SLC7A2: variants seen among roughly 807,000 people sequenced by gnomAD.
SLC7A2 encodes cationic amino acid transporter 2.
A neutral mutation model predicts 58.9 loss-of-function variants in SLC7A2; 48 were observed. That is an observed-to-expected ratio of 0.82 (90% CI 0.65 to 1.04). The LOEUF (loss-of-function observed/expected upper bound fraction) is 1.04, where lower values mean the gene tolerates loss of function less well. Ranked by LOEUF, SLC7A2 falls within the 50% of genes least tolerant of loss-of-function variation. The pLI is 0.00. For synonymous variants in SLC7A2, 363 were observed against 314.5 expected (o/e 1.15, Z -1.63); for missense variants, 1,029 against 818.8 (o/e 1.26, Z -3.13).
intron 3 of SLC7A2, 98 bp downstream of exon 3, chr8:17,543,813 T>C: frequency 9.5e-7 from 1 of 1,057,818 alleles, no homozygotes; most frequent in Non-Finnish European, 1.3e-6. Flanking sequence ...GGTACATCAC[T>C]TGATGTCTGT....
chr8:17,519,220 C>G (rs1056758441), intron 2 of SLC7A2, among the ~76,000 whole-genome samples: 5 of 152,294 alleles, frequency 3.3e-5, no homozygotes, highest in African/African-American at 9.6e-5. Context: ...AAAGCACTTA[C>G]CTCATAGGGT....
chr8:17,519,353 G>A (rs1800924961), intron 2 of SLC7A2, among the ~76,000 whole-genome samples: 1 of 152,168 alleles, frequency 6.6e-6, no homozygotes, highest in Admixed American at 6.5e-5. Context: ...AGTGATGGTA[G>A]TATATTTTAG....
chr8:17,564,577 C>G (rs1037910140), intron 12 of SLC7A2, among the ~76,000 whole-genome samples: 1 of 152,062 alleles, frequency 6.6e-6, no homozygotes, highest in African/African-American at 2.4e-5. Flanking sequence ...ACTATTCCAC[C>G]TCAGATCATC....
chr8:17,509,678 C>T (rs1019631941), intron 2 of SLC7A2, among the ~76,000 whole-genome samples: 7 of 152,064 alleles, frequency 4.6e-5, no homozygotes, highest in Admixed American at 2.0e-4. Flanking sequence ...ATTTTTTCGC[C>T]TCCAACAAAG....
At chr8:17,528,849 G>T (rs1377198259) in intron 2 of SLC7A2, among the ~76,000 whole-genome samples, 1 of 152,136 alleles carries the variant, frequency 6.6e-6, no homozygotes, top group Non-Finnish European at 1.5e-5. Context: ...TATAGGAGGA[G>T]AGCTCCATGA....
chr8:17,527,409 A>G (rs1801262939), intron 2 of SLC7A2, among the ~76,000 whole-genome samples: 1 of 152,230 alleles, frequency 6.6e-6, no homozygotes, highest in Non-Finnish European at 1.5e-5. Flanking sequence ...CAAATGAATA[A>G]ATATAGACCT....
chr8:17,557,784 C>T lies in SLC7A2; in HGVS notation c.1196-511C>T, dbSNP rs188972628. On this transcript the variant is annotated intron_variant, in intron 8 of 12. Transcript: ENST00000494857. ...TGGAGATTGCAGTAAGCCGAGATCGCACCACTGCACTCCACCCTGGGTGAC... is the reference window on the plus strand; with the variant it reads ...TGGAGATTGCAGTAAGCCGAGATCGTACCACTGCACTCCACCCTGGGTGAC... Among the ~76,000 whole-genome samples the T allele has an allele frequency of 5.5e-4, 84 of 152,224 alleles. No homozygotes were observed. The East Asian group carries it at 0.015, about 26-fold the overall frequency.
intron 1 of SLC7A2, chr8:17,500,402 A>T (rs1217569384): frequency 1.3e-5 from 2 of 152,104 alleles, no homozygotes; most frequent in African/African-American, 4.8e-5. Flanking sequence ...GTTTGTGGTT[A>T]TGGAAATGTT....
chr8:17,523,832 A>G (rs1415187419), intron 2 of SLC7A2, among the ~76,000 whole-genome samples: 2 of 152,234 alleles, frequency 1.3e-5, no homozygotes, highest in Non-Finnish European at 2.9e-5. Context: ...GACAACCCAC[A>G]GAATGGGAGA....
At chr8:17,560,862 C>G (rs1802944644) in intron 10 of SLC7A2, among the ~76,000 whole-genome samples, 1 of 152,160 alleles carries the variant, frequency 6.6e-6, no homozygotes, top group Non-Finnish European at 1.5e-5. Context: ...CTGACTGGAA[C>G]CCGATGGAAT....
chr8:17,563,705 G>A lies in SLC7A2; in HGVS notation c.1774G>A (p.Ala592Thr), dbSNP rs1173399304. 2 of 1,570,558 alleles carry A rather than the reference G, an allele frequency of 1.3e-6. No homozygotes were observed. The highest frequency in any genetic ancestry group is 1.1e-5 in the South Asian group (1 of 89,954). The part of the protein sequence containing the change: ...DTWVRFSIWM[A>T]IGFLIYFSYG... Reference sequence around the variant, plus strand: ...TTGGGTCAGATTCAGCATTTGGATGGCAATTGGTAGGTCTTTTAATGTCGG... The same window carrying A: ...TTGGGTCAGATTCAGCATTTGGATGACAATTGGTAGGTCTTTTAATGTCGG... Residue 592 changes from alanine (A) to threonine (T), a missense_variant, in exon 12 of 13, where the codon GCA (alanine) becomes ACA (threonine). Physicochemically the swap from Ala to Thr is moderately conservative, Grantham distance 58. Transcript: ENST00000494857.
intron 2 of SLC7A2, among the ~76,000 whole-genome samples, chr8:17,518,034 A>C (rs1318864430): frequency 6.6e-6 from 1 of 152,200 alleles, no homozygotes; most frequent in African/African-American, 2.4e-5. Context: ...AGGGTTAAAT[A>C]AAGTAAGTCA....
At chr8:17,554,939 G>A (rs750865825) in intron 8 of SLC7A2, 6 of 1,613,474 alleles carry the variant, frequency 3.7e-6, no homozygotes, top group South Asian at 1.1e-5. Context: ...GAATTTTTCT[G>A]TTCTAGTCTT....
rs754454858 is a variant in SLC7A2, at chr8:17,560,408, C to T, written c.1379C>T (p.Ser460Leu). Residue 460 changes from serine (S) to leucine (L), a missense_variant, in exon 10 of 13, where the codon TCG becomes TTG. Coordinates refer to ENST00000494857, the MANE Select transcript of SLC7A2 (RefSeq NM_001370338.1). ...DGLGSSPRVT[S>L]KSESQVTMLQ... ...CTGGGATCGTCTCCCAGGGTAACCT[C>T]GAAGAGTGAGTCCCAGGTCACCATG... 91 of 1,614,002 alleles carry T rather than the reference C, an allele frequency of 5.6e-5. No individual in the cohort carries two copies. Among genetic ancestry groups the T allele is most frequent in the Non-Finnish European group, 7.0e-5 (83 of 1,179,964 alleles).
intron 2 of SLC7A2, among the ~76,000 whole-genome samples, chr8:17,522,401 C>G (rs1801050953): frequency 6.6e-6 from 1 of 152,074 alleles, no homozygotes; most frequent in South Asian, 2.1e-4. Flanking sequence ...GGGGACACAG[C>G]CAAATCATGT....
intron 4 of SLC7A2, among the ~76,000 whole-genome samples, chr8:17,547,952 A>G (rs1161958721): frequency 6.6e-6 from 1 of 152,216 alleles, no homozygotes; most frequent in Admixed American, 6.5e-5. Context: ...GAATAGGTTT[A>G]ACAAAGTACT....
intron 7 of SLC7A2, among the ~76,000 whole-genome samples, chr8:17,552,477 G>A (rs1802500129): frequency 6.6e-6 from 1 of 152,128 alleles, no homozygotes; most frequent in Admixed American, 6.5e-5. Context: ...AATATAATGT[G>A]CTTTTTATTG....
At chr8:17,501,887 A>G (rs1184300473) in intron 1 of SLC7A2, among the ~76,000 whole-genome samples, 1 of 151,884 alleles carries the variant, frequency 6.6e-6, no homozygotes, top group Non-Finnish European at 1.5e-5. Context: ...AGCTTAAAAA[A>G]AAAAAAAAAG....
At position 17,548,629 on chromosome 8, in the gene SLC7A2, A is replaced by G. The variant is rs756242935; in HGVS notation, c.533-49A>G. The G allele has an allele frequency of 4.5e-5, 63 of 1,412,892 alleles. No homozygotes were observed. The South Asian group carries it at 7.4e-4, about 17-fold the overall frequency. The allele number at this position is 1,412,892 out of a possible 1,614,324, so 87.5% of individuals were successfully genotyped here. ...AGTCATGTATTTGCCTCAAAATGCT[A>G]TTGCCTTTCCTAAAGCTAAATAAAA... On this transcript the variant is annotated intron_variant, in intron 4 of 12. Coordinates refer to ENST00000494857, the MANE Select transcript of SLC7A2 (RefSeq NM_001370338.1).
Sources: allele counts gnomAD v4.1 joint callset (sites outside exome capture counted in the v4.1 genomes callset), GRCh38; gene constraint gnomAD v4.1.1; transcripts MANE v1.5; gene names NCBI Gene and HGNC (gene_info 2026-07-23, HGNC 2026-07-21).